ST18: variants seen among roughly 807,000 people sequenced by gnomAD.
ST18 encodes suppression of tumorigenicity 18 protein.
A neutral mutation model predicts 110.0 loss-of-function variants in ST18; 50 were observed. The observed-to-expected ratio is 0.45, with a 90% CI of 0.36 to 0.58. The LOEUF (loss-of-function observed/expected upper bound fraction) is 0.58. Ranked by LOEUF, ST18 falls within the 20% of genes least tolerant of loss-of-function variation. The pLI is 0.00. For synonymous variants in ST18, 461 were observed against 452.4 expected (o/e 1.02, Z -0.24); for missense variants, 1,306 against 1,280.1 (o/e 1.02, Z -0.31).
At chr8:52,149,147 C>A (rs2058151422) in intron 16 of ST18, among the ~76,000 whole-genome samples, 2 of 152,232 alleles carry the variant, frequency 1.3e-5, no homozygotes, top group South Asian at 4.1e-4. Context: ...ACTGTCGCAC[C>A]ATCTGGCTTT....
At position 52,165,083 on chromosome 8, in the gene ST18, G is replaced by A. The variant is rs577738059; in HGVS notation, c.1295+52C>T. The A allele has an allele frequency of 3.5e-5, 54 of 1,562,598 alleles. No homozygotes were observed. In the Admixed American group the frequency reaches 3.5e-4, roughly 10 times the overall value. On this transcript the variant is annotated intron_variant, in intron 12 of 25. Transcript: ENST00000689386. ...TAACCCATTATTTTATTGGTGGAAC[G>A]TTTCTACCACATTTTTTAAATGCAA...
At chr8:52,209,790 T>A (rs202126917) in intron 8 of ST18, among the ~76,000 whole-genome samples, 2,179 of 93,794 alleles carry the variant, frequency 0.023, 37 homozygotes, top group Admixed American at 0.039. Context: ...AAAAAAAAAA[T>A]ATATATATAT....
intron 2 of ST18, among the ~76,000 whole-genome samples, chr8:52,293,097 C>G (rs1230890385): frequency 6.6e-6 from 1 of 152,194 alleles, no homozygotes; most frequent in East Asian, 1.9e-4. Flanking sequence ...CATATATACC[C>G]CTAAAATGTG....
chr8:52,189,581 T>C (rs1159682419), intron 8 of ST18, among the ~76,000 whole-genome samples: 1 of 152,214 alleles, frequency 6.6e-6, no homozygotes, highest in Non-Finnish European at 1.5e-5. Flanking sequence ...AGAAGAGCCA[T>C]GTCCTTTCAA....
intron 2 of ST18, among the ~76,000 whole-genome samples, chr8:52,278,204 CATA>C (rs2095310784): frequency 6.6e-6 from 1 of 152,142 alleles, no homozygotes; most frequent in Non-Finnish European, 1.5e-5. Flanking sequence ...CAGGAATGAT[CATA>C]ATGATTGTCC....
chr8:52,123,521 T>C (rs2045829250), intron 23 of ST18, among the ~76,000 whole-genome samples: 1 of 152,210 alleles, frequency 6.6e-6, no homozygotes, highest in African/African-American at 2.4e-5. Context: ...CTTTTTCTCA[T>C]GCAAAGTCAT....
chr8:52,373,366 A>G (rs1564605573), intron 2 of ST18, among the ~76,000 whole-genome samples: 1 of 152,124 alleles, frequency 6.6e-6, no homozygotes, highest in Non-Finnish European at 1.5e-5. Flanking sequence ...TTTCTGGAAG[A>G]TGTTAGCTCC....
At chr8:52,267,081 A>C (rs2094895986) in intron 2 of ST18, among the ~76,000 whole-genome samples, 1 of 152,086 alleles carries the variant, frequency 6.6e-6, no homozygotes, top group South Asian at 2.1e-4. Context: ...AGGCTGGGGA[A>C]GTCATCACAG....
At chr8:52,114,634 C>A (rs1282737242) in intron 25 of ST18, among the ~76,000 whole-genome samples, 1 of 152,178 alleles carries the variant, frequency 6.6e-6, no homozygotes, top group Non-Finnish European at 1.5e-5. Flanking sequence ...CTCTTTCCTG[C>A]CTTTGTTGTG....
chr8:52,251,855 A>G (rs1002752457), intron 2 of ST18, among the ~76,000 whole-genome samples: 1 of 152,106 alleles, frequency 6.6e-6, no homozygotes, highest in Non-Finnish European at 1.5e-5. Context: ...TAATGTTTAT[A>G]TACCGCTTGG....
chr8:52,147,096 T>C (rs926943688), intron 16 of ST18, among the ~76,000 whole-genome samples: 1 of 152,128 alleles, frequency 6.6e-6, no homozygotes, highest in African/African-American at 2.4e-5. Context: ...GGTTGAAAAT[T>C]GTAGCAGTCC....
At chr8:52,401,611 A>G (rs1842830739) in intron 2 of ST18, among the ~76,000 whole-genome samples, 1 of 151,274 alleles carries the variant, frequency 6.6e-6, no homozygotes, top group African/African-American at 2.4e-5. Context: ...TCAATTTTAA[A>G]ATTTTATTCA....
chr8:52,124,754 A>C (rs2046334904), intron 23 of ST18, among the ~76,000 whole-genome samples: 1 of 151,706 alleles, frequency 6.6e-6, no homozygotes, highest in Non-Finnish European at 1.5e-5. Flanking sequence ...CTGCATGTAC[A>C]CTCCCCTCCT....
intron 2 of ST18, among the ~76,000 whole-genome samples, chr8:52,373,425 T>C (rs577082862): frequency 4.6e-4 from 70 of 152,298 alleles, no homozygotes; most frequent in African/African-American, 1.6e-3. Context: ...TTTTTGGTAA[T>C]GTCAGTGCAT....
intron 2 of ST18, among the ~76,000 whole-genome samples, chr8:52,274,512 T>C (rs976649641): frequency 1.4e-5 from 2 of 141,282 alleles, no homozygotes; most frequent in Non-Finnish European, 2.9e-5. Flanking sequence ...TGTATGATGT[T>C]TCAGTGGCAA....
chr8:52,138,093 C>CAAAA (rs35928892), intron 17 of ST18, among the ~76,000 whole-genome samples: 1 of 59,554 alleles, frequency 1.7e-5, no homozygotes, highest in African/African-American at 4.9e-5. Context: ...AACTCTGTCT[C>CAAAA]AAAAAAAAAA....
chr8:52,348,707 G>A (rs1818869118), intron 2 of ST18, among the ~76,000 whole-genome samples: 1 of 152,134 alleles, frequency 6.6e-6, no homozygotes, highest in South Asian at 2.1e-4. Flanking sequence ...TCGTGCCATT[G>A]CACTTCAGCC....
At chr8:52,334,102 C>A (rs1314843760) in intron 2 of ST18, among the ~76,000 whole-genome samples, 1 of 152,180 alleles carries the variant, frequency 6.6e-6, no homozygotes, top group South Asian at 2.1e-4. Flanking sequence ...ACATTTAAAC[C>A]TTTGTTTTAT....
chr8:52,407,121 T>TTATAA (rs1844806914), intron 2 of ST18: 1 of 152,224 alleles, frequency 6.6e-6, no homozygotes, highest in Admixed American at 6.5e-5. Flanking sequence ...AACTAGAGTT[T>TTATAA]TATAATAACC....
Sources: allele counts gnomAD v4.1 joint callset (sites outside exome capture counted in the v4.1 genomes callset), GRCh38; gene constraint gnomAD v4.1.1; transcripts MANE v1.5; gene names NCBI Gene and HGNC (gene_info 2026-07-23, HGNC 2026-07-21).